Variants in STOML3 observed in about 807,000 individuals in gnomAD.
STOML3 encodes stomatin like 3.
STOML3 carries 31 observed loss-of-function variants against 29.5 expected under a neutral mutation model. The ratio of observed to expected loss-of-function variants is 1.05; its 90% CI spans 0.79 to 1.42. STOML3 has a LOEUF of 1.42. STOML3 is among the 40% of genes most tolerant of loss of function. The pLI is 0.00. For missense variants in STOML3, 380 were observed against 363.0 expected (o/e 1.05, Z -0.38); for synonymous variants, 122 against 139.8 (o/e 0.87, Z 0.90).
At chr13:38,975,600 C>G (rs1439391029) in intron 3 of STOML3, among the ~76,000 whole-genome samples, 3 of 152,106 alleles carry the variant, frequency 2.0e-5, no homozygotes, top group Non-Finnish European at 4.4e-5. Flanking sequence ...CATATGCCTT[C>G]TAAGACAGTG....
At position 38,990,763 on chromosome 13, in the gene STOML3, G is replaced by C. The variant is rs1299413867; in HGVS notation, c.-42C>G. 4 of 1,600,110 alleles carry C rather than the reference G, an allele frequency of 2.5e-6. No individual in the cohort carries two copies. The Admixed American group carries it at 6.7e-5, about 27-fold the overall frequency. ...TTTTATACTTGGCAATTTTTCATGG[G>C]TTTGGAGCTAAGTGTGAAGAACAGG... On this transcript the variant is annotated 5_prime_UTR_variant, in exon 1 of 7. Transcript: ENST00000379631.
At position 38,980,268 on chromosome 13, in the gene STOML3, G is replaced by T. The variant is rs1250589713; in HGVS notation, c.53-3471C>A. 9.1e-6 allele frequency: 7 copies of T among 766,846 alleles called. No individual in the cohort carries two copies. In the South Asian group the frequency reaches 1.0e-4, roughly 11 times the overall value. 47.5% of individuals were successfully genotyped at this position (766,846 alleles called of 1,614,324 possible). The stretch of plus-strand genomic sequence containing the variant: ...CTCATTAGCTGCCAGTTAAAGTGGG[G>T]CTGTGAGTGCTGCTGTCACCTTCCC... On this transcript the variant is annotated intron_variant, in intron 1 of 6. Transcript: ENST00000379631.
intron 6 of STOML3, 76 bp from the exon 7 acceptor site, chr13:38,967,125 A>G: frequency 1.5e-6 from 2 of 1,332,256 alleles, no homozygotes; most frequent in African/African-American, 1.5e-5. Flanking sequence ...CTGGGTCTGT[A>G]TTGATACCCC....
rs188682567 is a variant in STOML3 at position 38,982,331 on chromosome 13, A to C, written c.53-5534T>G. Among the ~76,000 whole-genome samples, 37 of 152,062 alleles carry C rather than the reference A, an allele frequency of 2.4e-4. No individual in the cohort carries two copies. The East Asian group carries it at 6.7e-3, about 28-fold the overall frequency. ...TTTTCTTTGTTTTTAAAATATGTTT[A>C]TTTTTTATTGTTTCATTAATGGGAT... On this transcript the variant is annotated intron_variant, in intron 1 of 6. Transcript: ENST00000379631.
chr13:38,966,639 A>G lies in STOML3; in HGVS notation c.*186T>C, dbSNP rs952478761. On this transcript the variant is annotated 3_prime_UTR_variant, in exon 7 of 7. Coordinates refer to ENST00000379631, the MANE Select transcript of STOML3 (RefSeq NM_145286.3). ...GGTCCTAAAAATAAAAGTAATATAC[A>G]GGTCTCATTTTTGCTCTTTTTTTCT... The G allele has an allele frequency of 3.2e-5, 17 of 525,480 alleles. No individual in the cohort carries two copies. The highest frequency in any genetic ancestry group is 2.7e-5 in the Non-Finnish European group (8 of 295,812). The allele number at this position is 525,480 out of a possible 1,614,324, so 32.6% of individuals were successfully genotyped here.
Position 38,970,364 on chromosome 13 carries a change from T to G in STOML3, c.337A>C (p.Thr113Pro), listed in dbSNP as rs773858591. 1 of 1,614,078 alleles carries G rather than the reference T, an allele frequency of 6.2e-7. No individual in the cohort carries two copies. The change falls in exon 5 of 7, where the codon ACT (threonine) becomes CCT (proline). Residue 113 changes from threonine to proline, a missense_variant. Thr to Pro is a conservative substitution (Grantham distance 38). Coordinates refer to ENST00000379631, the MANE Select transcript of STOML3 (RefSeq NM_145286.3). The stretch of plus-strand genomic sequence containing the variant: ...TAATAGACAACTCCATCTACCTGAG[T>G]AGTTACGGAGTCTCTGGTGAGGATC... ...QEILTRDSVT[T>P]QVDGVVYYRI...
chr13:38,966,929 T>A lies in STOML3; in HGVS notation c.772A>T (p.Thr258Ser), dbSNP rs1193896208. ...AACACAATCGTAGAATTCTTCTCGG[T>A]GGCTACCGTGCTCAAGGTCTGCAGG... ...RYLQTLSTVATEKNSTIVFPL... is the reference protein window; with the variant it reads ...RYLQTLSTVASEKNSTIVFPL... The change falls in exon 7 of 7, where the codon ACC (threonine) becomes TCC (serine). Residue 258 changes from threonine (T) to serine (S), a missense_variant. By Grantham distance (58) the Thr-to-Ser change is moderately conservative. Coordinates refer to ENST00000379631, the MANE Select transcript of STOML3 (RefSeq NM_145286.3). 1 of 1,614,096 alleles carries A rather than the reference T, an allele frequency of 6.2e-7. No individual in the cohort carries two copies. The highest frequency in any genetic ancestry group is 1.7e-5 in the Admixed American group (1 of 60,020).
Position 38,980,209 on chromosome 13 carries a change from G to T in STOML3, c.53-3412C>A, listed in dbSNP as rs139802806. Reference sequence around the variant, plus strand: ...CTGGAGCATTAGAATCACCCAGGCCGCGGCTTCTGGGAGAATTGGTGGAGC... The same window carrying T: ...CTGGAGCATTAGAATCACCCAGGCCTCGGCTTCTGGGAGAATTGGTGGAGC... On this transcript the variant is annotated intron_variant, in intron 1 of 6. Transcript: ENST00000379631. The T allele has an allele frequency of 7.1e-5, 100 of 1,414,064 alleles. No individual in the cohort carries two copies. The Middle Eastern group carries it at 1.1e-3, about 15-fold the overall frequency. 87.6% of individuals were successfully genotyped at this position (1,414,064 alleles called of 1,614,324 possible).
At chr13:38,969,708 T>A (rs779167753) in intron 5 of STOML3, among the ~76,000 whole-genome samples, 3 of 152,132 alleles carry the variant, frequency 2.0e-5, no homozygotes, top group Non-Finnish European at 4.4e-5. Context: ...ATCATAATTA[T>A]CATTACTATT....
chr13:38,967,162 G>T, intron 6 of STOML3, 113 bp from the exon 7 acceptor site: 1 of 889,214 alleles, frequency 1.1e-6, no homozygotes, highest in Non-Finnish European at 1.7e-6. Context: ...GTTGCCACAT[G>T]TGTTTCATCT....
intron 6 of STOML3, among the ~76,000 whole-genome samples, chr13:38,968,005 AG>A (rs34444032): frequency 0.26 from 39,377 of 152,126 alleles, 5,218 homozygotes; most frequent in East Asian, 0.37. Flanking sequence ...GCTACATCTA[AG>A]TCACCAGCTT....
At chr13:38,972,246 G>A (rs1349832212) in intron 4 of STOML3, among the ~76,000 whole-genome samples, 1 of 152,126 alleles carries the variant, frequency 6.6e-6, no homozygotes, top group African/African-American at 2.4e-5. Flanking sequence ...CTGCTAACTA[G>A]ATCTCTGCTG....
At chr13:38,975,611 C>T (rs920018679) in intron 3 of STOML3, among the ~76,000 whole-genome samples, 1 of 152,088 alleles carries the variant, frequency 6.6e-6, no homozygotes, top group Admixed American at 6.6e-5. Flanking sequence ...TAAGACAGTG[C>T]TTTTGATAGC....
chr13:38,976,063 CTCTA>C (rs1881064323), intron 3 of STOML3, among the ~76,000 whole-genome samples: 2 of 152,166 alleles, frequency 1.3e-5, no homozygotes, highest in South Asian at 4.1e-4. Flanking sequence ...TGGCTTCCAG[CTCTA>C]TCTTTCTATG....
In STOML3 at chr13:38,966,733, C is replaced by T. The variant is rs866857341; in HGVS notation, c.*92G>A. 2.8e-5 allele frequency: 29 copies of T among 1,033,886 alleles called. No homozygotes were observed. In the Middle Eastern group the frequency reaches 2.9e-3, roughly 103 times the overall value. 64.0% of individuals were successfully genotyped at this position (1,033,886 alleles called of 1,614,324 possible). ...ATCTATGGAGTTACTGTTACATGAA[C>T]AGTGTTGGAATTCTCACCGTTTCTA... On this transcript the variant is annotated 3_prime_UTR_variant, in exon 7 of 7. Coordinates refer to ENST00000379631, the MANE Select transcript of STOML3 (RefSeq NM_145286.3).
chr13:38,988,972 A>G (rs1186972651), intron 1 of STOML3, among the ~76,000 whole-genome samples: 1 of 145,738 alleles, frequency 6.9e-6, no homozygotes, highest in Non-Finnish European at 1.5e-5. Flanking sequence ...AATATATTAT[A>G]TATACTATAT....
intron 1 of STOML3, among the ~76,000 whole-genome samples, chr13:38,981,802 C>CA (rs1172467266): frequency 6.6e-6 from 1 of 152,130 alleles, no homozygotes; most frequent in African/African-American, 2.4e-5. Context: ...CTAGAGTACT[C>CA]ATATGTGCTG....
intron 5 of STOML3, among the ~76,000 whole-genome samples, chr13:38,969,914 C>T (rs538333813): frequency 1.1e-3 from 174 of 152,222 alleles, no homozygotes; most frequent in Non-Finnish European, 2.1e-3. Flanking sequence ...ACTTGTAAGA[C>T]GTTAATTCAT....
intron 1 of STOML3, among the ~76,000 whole-genome samples, chr13:38,982,498 C>T (rs1444404049): frequency 6.6e-6 from 1 of 152,078 alleles, no homozygotes; most frequent in Non-Finnish European, 1.5e-5. Context: ...AAGAAAATAG[C>T]ACCCCTATCT....
Sources: gnomAD v4.1 joint callset for allele counts (sites outside exome capture counted in the v4.1 genomes callset) on GRCh38, gnomAD v4.1.1 for gene constraint, MANE v1.5 for transcripts, NCBI Gene and HGNC (gene_info 2026-07-23, HGNC 2026-07-21) for gene names.